Variants in MTMR7 observed in about 807,000 individuals in gnomAD.
MTMR7 encodes myotubularin related protein 7, also known as phosphatidylinositol-3-phosphate phosphatase MTMR7.
In MTMR7, 76 loss-of-function variants were observed where a neutral mutation model predicts 81.2. The ratio of observed to expected loss-of-function variants is 0.94; its 90% confidence interval spans 0.78 to 1.13. The LOEUF (loss-of-function observed/expected upper bound fraction) is 1.13, where lower values mean the gene tolerates loss of function less well. Ranked by LOEUF, MTMR7 falls within the 50% of genes most tolerant of loss-of-function variation. MTMR7 has a pLI of 0.00. For synonymous variants in MTMR7, 372 were observed against 289.8 expected (o/e 1.28, Z -2.88); for missense variants, 1,044 against 820.0 (o/e 1.27, Z -3.34).
intron 6 of MTMR7, among the ~76,000 whole-genome samples, chr8:17,333,129 T>C (rs1010516801): frequency 1.3e-5 from 2 of 152,222 alleles, no homozygotes; most frequent in Non-Finnish European, 2.9e-5. Context: ...ACGTGGCTTA[T>C]GTGACATCAG....
In MTMR7 at chr8:17,334,191, T is replaced by G. The variant is rs74889510; in HGVS notation, c.733-2909A>C. ...AGCTGAAGTGTAATTTCTTAGGATC[T>G]CCACCTTTTTTACAGGACCTATCCT... On this transcript the variant is annotated intron_variant, in intron 6 of 13. Transcript: ENST00000180173. Among the ~76,000 whole-genome samples the G allele has an allele frequency of 4.2e-3, 645 of 152,280 alleles. 3 individuals carry two copies. Among genetic ancestry groups the G allele is most frequent in the African/African-American group, 0.014 (592 of 41,554 alleles).
intron 4 of MTMR7, among the ~76,000 whole-genome samples, chr8:17,357,107 A>G (rs62499260): frequency 0.027 from 4,114 of 152,308 alleles, 92 homozygotes; most frequent in Non-Finnish European, 0.039. Flanking sequence ...AATTTTTAAA[A>G]CTATGTTATA....
chr8:17,329,733 A>G (rs1033424368), intron 7 of MTMR7, among the ~76,000 whole-genome samples: 1 of 152,208 alleles, frequency 6.6e-6, no homozygotes, highest in Non-Finnish European at 1.5e-5. Flanking sequence ...AAGGAGTCCA[A>G]TTTTTCAACA....
intron 1 of MTMR7, among the ~76,000 whole-genome samples, chr8:17,406,924 G>A (rs527735841): frequency 6.6e-6 from 1 of 152,088 alleles, no homozygotes; most frequent in Non-Finnish European, 1.5e-5. Flanking sequence ...TATAGAGACA[G>A]AATGTATATT....
chr8:17,327,586 A>G (rs1464464317), intron 7 of MTMR7, among the ~76,000 whole-genome samples: 1 of 152,100 alleles, frequency 6.6e-6, no homozygotes, highest in Non-Finnish European at 1.5e-5. Context: ...CCCTTCCTGT[A>G]TCTTTATTTT....
chr8:17,338,009 A>G (rs1033529533), intron 6 of MTMR7, among the ~76,000 whole-genome samples: 1 of 152,216 alleles, frequency 6.6e-6, no homozygotes, highest in African/African-American at 2.4e-5. Context: ...CCTGCTTGCC[A>G]GGGTCCACAC....
chr8:17,320,133 AAT>A (rs1187738414), intron 7 of MTMR7, among the ~76,000 whole-genome samples: 2 of 151,814 alleles, frequency 1.3e-5, no homozygotes, highest in Non-Finnish European at 2.9e-5. Flanking sequence ...TAATAATATA[AAT>A]ATATATATTT....
At chr8:17,370,272 C>T (rs570903560) in intron 3 of MTMR7, among the ~76,000 whole-genome samples, 1 of 151,826 alleles carries the variant, frequency 6.6e-6, no homozygotes, top group African/African-American at 2.4e-5. Flanking sequence ...TCCTGTAATC[C>T]GAGCACTTGA....
chr8:17,315,190 C>G (rs897812714), intron 7 of MTMR7, among the ~76,000 whole-genome samples: 2 of 152,096 alleles, frequency 1.3e-5, no homozygotes, highest in South Asian at 2.1e-4. Context: ...TGAAAAGACA[C>G]AGAGGGAAGT....
intron 1 of MTMR7, among the ~76,000 whole-genome samples, chr8:17,398,660 C>T (rs554340629): frequency 1.9e-4 from 29 of 152,224 alleles, no homozygotes; most frequent in Non-Finnish European, 3.8e-4. Flanking sequence ...CCACAAAGAA[C>T]GTCCCAACCT....
At chr8:17,371,904 T>G (rs2410527) in intron 2 of MTMR7, among the ~76,000 whole-genome samples, 13,624 of 145,750 alleles carry the variant, frequency 0.093, 895 homozygotes, top group Non-Finnish European at 0.15. Context: ...TTTACTCTCA[T>G]AATTATTTTG....
chr8:17,355,144 C>A (rs1187434444), intron 4 of MTMR7, among the ~76,000 whole-genome samples: 1 of 152,136 alleles, frequency 6.6e-6, no homozygotes, highest in Admixed American at 6.5e-5. Context: ...AGACGTTATT[C>A]CACAAGATGT....
chr8:17,341,029 G>C (rs1819393561), intron 6 of MTMR7, among the ~76,000 whole-genome samples: 1 of 152,360 alleles, frequency 6.6e-6, no homozygotes, highest in South Asian at 2.1e-4. Context: ...TGTCAGAGCA[G>C]AAAGGGCTGT....
intron 1 of MTMR7, 96 bp from the exon 2 acceptor site, chr8:17,373,336 T>A: frequency 7.1e-7 from 1 of 1,406,348 alleles, no homozygotes; most frequent in Non-Finnish European, 9.4e-7. Context: ...TACTCCAAAA[T>A]ACAATTTTTT....
chr8:17,344,605 CA>C (rs1819499993), intron 5 of MTMR7, among the ~76,000 whole-genome samples: 1 of 152,102 alleles, frequency 6.6e-6, no homozygotes, highest in Non-Finnish European at 1.5e-5. Flanking sequence ...AGCGAGACTC[CA>C]TCTCAAAACA....
chr8:17,297,193 T>C lies in MTMR7; in HGVS notation c.*2669A>G, dbSNP rs1022658667. On this transcript the variant is annotated 3_prime_UTR_variant, in exon 14 of 14. Coordinates refer to ENST00000180173, the MANE Select transcript of MTMR7 (RefSeq NM_004686.5). ...AGAATTAAAGAGGAATACTTAGGAG[T>C]TACTAGGCTAATCAGTGTACGAATT... The C allele has an allele frequency of 2.0e-5, 3 of 152,070 alleles. No individual in the cohort carries two copies. Among genetic ancestry groups the C allele is most frequent in the African/African-American group, 7.2e-5 (3 of 41,430 alleles). The allele number at this position is 152,070 out of a possible 1,614,324, so 9.4% of individuals were successfully genotyped here.
chr8:17,364,018 AT>A (rs1257807634), intron 3 of MTMR7, among the ~76,000 whole-genome samples: 5 of 53,808 alleles, frequency 9.3e-5, no homozygotes, highest in African/African-American at 3.7e-4. Flanking sequence ...AAGTGTTGCT[AT>A]TATTTTTTTT....
chr8:17,372,147 G>C (rs1451101137), intron 2 of MTMR7, among the ~76,000 whole-genome samples: 1 of 152,090 alleles, frequency 6.6e-6, no homozygotes, highest in Admixed American at 6.6e-5. Context: ...TCTATGCTCA[G>C]TCTTCAATAG....
chr8:17,383,874 G>A (rs560940121), intron 1 of MTMR7, among the ~76,000 whole-genome samples: 1 of 152,086 alleles, frequency 6.6e-6, no homozygotes, highest in Non-Finnish European at 1.5e-5. Flanking sequence ...CTGCAGCTTT[G>A]GAGGAACCAT....
Sources: gnomAD v4.1 joint callset for allele counts (sites outside exome capture counted in the v4.1 genomes callset) on GRCh38, gnomAD v4.1.1 for gene constraint, MANE v1.5 for transcripts, NCBI Gene and HGNC (gene_info 2026-07-23, HGNC 2026-07-21) for gene names.